NCOA2: variants seen among roughly 807,000 people sequenced by gnomAD.
The protein encoded by NCOA2 is nuclear receptor coactivator 2, also known as class E basic helix-loop-helix protein 75.
NCOA2 carries 21 observed loss-of-function variants against 145.1 expected under a neutral mutation model. The ratio of observed to expected loss-of-function variants is 0.14; its 90% CI spans 0.10 to 0.21. The LOEUF is 0.21. Among genes scored for constraint, NCOA2 ranks in the 10% least tolerant of loss-of-function variants. The probability of loss-of-function intolerance (pLI) is 1.00; values close to 1 mark genes in which losing one functional copy is unlikely to be tolerated. For missense variants in NCOA2, 1,472 were observed against 1,837.6 expected, an observed-to-expected ratio of 0.80 and a Z score of 3.64; for synonymous variants, 619 against 637.5, an observed-to-expected ratio of 0.97 and a Z score of 0.44.
intron 1 of NCOA2, among the ~76,000 whole-genome samples, chr8:70,312,420 T>C (rs972522975): frequency 6.6e-6 from 1 of 152,322 alleles, no homozygotes; most frequent in African/African-American, 2.4e-5. Flanking sequence ...GGGGTCTGTA[T>C]GAAATTAAGA....
intron 15 of NCOA2, among the ~76,000 whole-genome samples, chr8:70,135,611 C>G (rs1012369409): frequency 6.6e-6 from 1 of 152,134 alleles, no homozygotes; most frequent in Non-Finnish European, 1.5e-5. Flanking sequence ...GATCCAGACT[C>G]CCAATCTGAA....
At chr8:70,386,692 G>C (rs763196121) in intron 1 of NCOA2, among the ~76,000 whole-genome samples, 2 of 152,108 alleles carry the variant, frequency 1.3e-5, no homozygotes, top group Non-Finnish European at 2.9e-5. Flanking sequence ...GTGATAACCA[G>C]AGAATCCAAT....
rs1813167763 is a variant in NCOA2 at position 70,162,702 on chromosome 8, G to A, written c.976+9C>T. 6.3e-7 allele frequency: 1 copy of A among 1,598,522 alleles called. No individual in the cohort carries two copies. The highest frequency in any genetic ancestry group is 8.5e-7 in the Non-Finnish European group (1 of 1,172,690). ...AATAATTTAAGAAAAATCATTTAGA[G>A]ATGCTTACCTTCATGATGATGCCTC... On this transcript the variant is annotated intron_variant, in intron 9 of 22. Coordinates refer to ENST00000452400, the MANE Select transcript of NCOA2 (RefSeq NM_006540.4).
At chr8:70,371,378 T>A (rs1811201124) in intron 1 of NCOA2, among the ~76,000 whole-genome samples, 1 of 152,198 alleles carries the variant, frequency 6.6e-6, no homozygotes, top group Non-Finnish European at 1.5e-5. Context: ...TTCTGAAATG[T>A]CTTTTTCTAC....
intron 1 of NCOA2, among the ~76,000 whole-genome samples, chr8:70,315,176 A>G (rs1790751223): frequency 6.6e-6 from 1 of 152,216 alleles, no homozygotes; most frequent in African/African-American, 2.4e-5. Flanking sequence ...AAGTCATTCT[A>G]TGTTTGATTT....
the NCOA2 span, among the ~76,000 whole-genome samples, chr8:70,428,388 A>T: frequency 6.6e-6 from 1 of 152,070 alleles, no homozygotes; most frequent in Non-Finnish European, 1.5e-5. Context: ...TGAGCCTGGG[A>T]GGTTGAGGCT....
At chr8:70,252,344 G>C (rs1823260738) in intron 2 of NCOA2, among the ~76,000 whole-genome samples, 1 of 152,210 alleles carries the variant, frequency 6.6e-6, no homozygotes, top group Non-Finnish European at 1.5e-5. Context: ...GGAGGCTGAG[G>C]TCAGAGGATC....
rs537688129 is a variant in NCOA2, at chr8:70,225,471, C to A, written c.-19-8707G>T. Reference sequence around the variant, plus strand: ...GGCTGAGGCAGGAGAATCGCTTGAACCCCCCAGGCAGAGGTTGCAGTGAGC... The same window carrying A: ...GGCTGAGGCAGGAGAATCGCTTGAAACCCCCAGGCAGAGGTTGCAGTGAGC... On this transcript the variant is annotated intron_variant, in intron 2 of 22. Coordinates refer to ENST00000452400, the MANE Select transcript of NCOA2 (RefSeq NM_006540.4). 4.6e-3 allele frequency among the ~76,000 whole-genome samples: 703 copies of A among 151,992 alleles called. 2 individuals carry two copies. The highest frequency in any genetic ancestry group is 8.1e-3 in the Non-Finnish European group (549 of 67,956).
intron 1 of NCOA2, among the ~76,000 whole-genome samples, chr8:70,325,108 A>G (rs1448008705): frequency 6.6e-6 from 1 of 152,216 alleles, no homozygotes; most frequent in Admixed American, 6.5e-5. Context: ...AGAATATGGC[A>G]TCATGTACCT....
intron 21 of NCOA2, among the ~76,000 whole-genome samples, chr8:70,121,933 T>G (rs1055344229): frequency 1.3e-5 from 2 of 152,252 alleles, no homozygotes; most frequent in African/African-American, 4.8e-5. Context: ...AGAATAATGA[T>G]TTTTGTAGGA....
intron 4 of NCOA2, among the ~76,000 whole-genome samples, chr8:70,186,642 T>A (rs1278503526): frequency 1.3e-5 from 2 of 152,184 alleles, no homozygotes; most frequent in African/African-American, 4.8e-5. Context: ...TACTACAAAA[T>A]TTTTAAAAGC....
intron 2 of NCOA2, among the ~76,000 whole-genome samples, chr8:70,281,202 A>T (rs1825847263): frequency 6.6e-6 from 1 of 151,804 alleles, no homozygotes; most frequent in South Asian, 2.1e-4. Context: ...AAAAATACAA[A>T]AATTAGCTGG....
intron 2 of NCOA2, among the ~76,000 whole-genome samples, chr8:70,248,643 G>A (rs372044326): frequency 9.9e-5 from 15 of 151,860 alleles, no homozygotes; most frequent in Admixed American, 9.2e-4. Flanking sequence ...TATAATCTAC[G>A]CATATCCTCT....
At chr8:70,239,517 A>G (rs1384601704) in intron 2 of NCOA2, among the ~76,000 whole-genome samples, 1 of 152,128 alleles carries the variant, frequency 6.6e-6, no homozygotes, top group Non-Finnish European at 1.5e-5. Context: ...GCTCTTCCTA[A>G]GGACCCACAA....
intron 2 of NCOA2, among the ~76,000 whole-genome samples, chr8:70,257,149 A>G (rs1230139718): frequency 2.6e-5 from 4 of 152,188 alleles, no homozygotes; most frequent in Non-Finnish European, 1.5e-5. Flanking sequence ...AGAACAGAAG[A>G]AATTTAAACT....
chr8:70,162,178 G>A (rs58389262), intron 9 of NCOA2, among the ~76,000 whole-genome samples: 5,122 of 152,218 alleles, frequency 0.034, 318 homozygotes, highest in African/African-American at 0.12. Flanking sequence ...AATAAGGGCT[G>A]CTGTTATTAC....
At chr8:70,323,909 C>T (rs1428970109) in intron 1 of NCOA2, among the ~76,000 whole-genome samples, 1 of 152,118 alleles carries the variant, frequency 6.6e-6, no homozygotes, top group African/African-American at 2.4e-5. Context: ...CAGGACAGTC[C>T]TAATCTTCAG....
In NCOA2 at chr8:70,156,344, C is replaced by T. The variant is rs1173420883; in HGVS notation, c.2021G>A (p.Gly674Asp). The change falls in exon 11 of 23, where the codon GGT becomes GAT. Residue 674 changes from glycine to aspartate, a missense_variant. By Grantham distance (94) the Gly-to-Asp change is moderately conservative (BLOSUM62 -1). Transcript: ENST00000452400. ...TNKDSTGSLPGSGSTHGTSLK... is the reference protein window; with the variant it reads ...TNKDSTGSLPDSGSTHGTSLK... ...CGAGGTTCCATGTGTAGACCCAGAA[C>T]CAGGCAAGCTACCTGTGGAGTCTTT... is the stretch of plus-strand genomic sequence containing the variant. 1 of 1,613,880 alleles carries T rather than the reference C, an allele frequency of 6.2e-7. No homozygotes were observed.
At chr8:70,300,935 T>C (rs1239233708) in intron 1 of NCOA2, among the ~76,000 whole-genome samples, 2 of 152,160 alleles carry the variant, frequency 1.3e-5, no homozygotes. Flanking sequence ...CCTGCTACTA[T>C]CATGTCCACC....
Sources: gnomAD v4.1 joint callset for allele counts (sites outside exome capture counted in the v4.1 genomes callset) on GRCh38, gnomAD v4.1.1 for gene constraint, MANE v1.5 for transcripts, NCBI Gene and HGNC (gene_info 2026-07-23, HGNC 2026-07-21) for gene names.